Variants in NALF1 observed in about 807,000 individuals in gnomAD.
NALF1 encodes the protein family with sequence similarity 155 member A.
In NALF1, 3 loss-of-function variants were observed where a neutral mutation model predicts 48.4. That is an observed-to-expected ratio of 0.06 (90% CI 0.03 to 0.16). The LOEUF is 0.16. Ranked by LOEUF, NALF1 falls within the 10% of genes least tolerant of loss-of-function variation. The pLI is 1.00. For synonymous variants in NALF1, 262 were observed against 245.7 expected (o/e 1.07, Z -0.62); for missense variants, 526 against 571.5 (o/e 0.92, Z 0.81).
At chr13:107,244,304 G>A (rs907980973) in intron 1 of NALF1, among the ~76,000 whole-genome samples, 1 of 152,160 alleles carries the variant, frequency 6.6e-6, no homozygotes, top group African/African-American at 2.4e-5. Flanking sequence ...AATTCAAAGA[G>A]GCACACCATT....
intron 1 of NALF1, among the ~76,000 whole-genome samples, chr13:107,655,974 T>G (rs1168528384): frequency 6.6e-6 from 1 of 152,096 alleles, no homozygotes; most frequent in Non-Finnish European, 1.5e-5. Context: ...ATAATAAAAC[T>G]GGATCCTCAT....
intron 1 of NALF1, among the ~76,000 whole-genome samples, chr13:107,342,336 C>A (rs1414065559): frequency 1.3e-5 from 2 of 152,088 alleles, no homozygotes; most frequent in African/African-American, 4.8e-5. Flanking sequence ...ACAAAGGGAC[C>A]AGATAGTAAT....
intron 1 of NALF1, among the ~76,000 whole-genome samples, chr13:107,372,227 A>G (rs1883260510): frequency 6.6e-6 from 1 of 152,364 alleles, no homozygotes; most frequent in Non-Finnish European, 1.5e-5. Context: ...AACAATGTAC[A>G]TGGAATTCAA....
At chr13:107,260,798 T>C (rs1159943297) in intron 1 of NALF1, among the ~76,000 whole-genome samples, 1 of 152,198 alleles carries the variant, frequency 6.6e-6, no homozygotes, top group Non-Finnish European at 1.5e-5. Flanking sequence ...GTTTTCTCCT[T>C]TCTTCCAGGG....
intron 1 of NALF1, among the ~76,000 whole-genome samples, chr13:107,649,264 C>A (rs933979229): frequency 6.6e-6 from 1 of 152,178 alleles, no homozygotes; most frequent in African/African-American, 2.4e-5. Flanking sequence ...ACTGTTTATG[C>A]AGATATGCAG....
At chr13:107,679,987 C>T (rs910807912) in intron 1 of NALF1, among the ~76,000 whole-genome samples, 4 of 152,200 alleles carry the variant, frequency 2.6e-5, no homozygotes, top group Non-Finnish European at 5.9e-5. Flanking sequence ...TTCCCTCCCT[C>T]GACATCCCCA....
At chr13:107,199,690 G>A (rs1406071141) in intron 2 of NALF1, among the ~76,000 whole-genome samples, 2 of 152,112 alleles carry the variant, frequency 1.3e-5, no homozygotes, top group African/African-American at 2.4e-5. Flanking sequence ...GTGTGGCGGC[G>A]GTGTGAACTC....
chr13:107,751,514 A>C (rs369448153), intron 1 of NALF1, among the ~76,000 whole-genome samples: 45 of 152,360 alleles, frequency 3.0e-4, no homozygotes, highest in African/African-American at 1.1e-3. Flanking sequence ...AACTCACTGC[A>C]TACATGCACA....
At chr13:107,385,552 CAAAAAAAAAAAAAAAA>C (rs201307018) in intron 1 of NALF1, among the ~76,000 whole-genome samples, 1 of 118,290 alleles carries the variant, frequency 8.5e-6, no homozygotes, top group Non-Finnish European at 1.7e-5. Context: ...GATTCCATCT[CAAAAAAAAAAAAAAAA>C]AAAAAAAAAC....
chr13:107,448,180 C>T (rs756672415), intron 1 of NALF1, among the ~76,000 whole-genome samples: 39 of 152,282 alleles, frequency 2.6e-4, no homozygotes, highest in Middle Eastern at 6.8e-3. Flanking sequence ...CCACTTTCCA[C>T]ATCACTGGCT....
chr13:107,537,575 A>T (rs570643423), intron 1 of NALF1, among the ~76,000 whole-genome samples: 1 of 152,254 alleles, frequency 6.6e-6, no homozygotes, highest in East Asian at 1.9e-4. Flanking sequence ...TGAAACTCAA[A>T]AGCCTTCAGG....
intron 1 of NALF1, among the ~76,000 whole-genome samples, chr13:107,637,648 C>T (rs1264506467): frequency 1.3e-5 from 2 of 152,152 alleles, no homozygotes; most frequent in African/African-American, 4.8e-5. Flanking sequence ...CCTGTGCATT[C>T]GACTGAAGCC....
At chr13:107,337,694 GAA>G in intron 1 of NALF1, among the ~76,000 whole-genome samples, 1 of 152,086 alleles carries the variant, frequency 6.6e-6, no homozygotes, top group East Asian at 1.9e-4. Context: ...CTTGCACACA[GAA>G]AAGAGTTAAG....
intron 1 of NALF1, among the ~76,000 whole-genome samples, chr13:107,620,397 G>A (rs972583828): frequency 1.3e-5 from 2 of 152,182 alleles, no homozygotes; most frequent in African/African-American, 2.4e-5. Flanking sequence ...ATCTTTAATT[G>A]TGTGTGCCAT....
chr13:107,496,170 T>G (rs2139073694), intron 1 of NALF1, among the ~76,000 whole-genome samples: 1 of 152,266 alleles, frequency 6.6e-6, no homozygotes, highest in South Asian at 2.1e-4. Flanking sequence ...ATCTCTGGGT[T>G]TTAAAAGTAT....
In NALF1 at chr13:107,813,363, C is replaced by A. The variant is rs1879057439; in HGVS notation, c.915+52319G>T. On this transcript the variant is annotated intron_variant, in intron 1 of 2. Coordinates refer to ENST00000375915, the MANE Select transcript of NALF1 (RefSeq NM_001080396.3). ...ACAAGCTTAAAACGTAAAGAAACAA[C>A]ACATGGAACATATGAACCAGCCTGA... is the stretch of plus-strand genomic sequence containing the variant. 4.6e-5 allele frequency among the ~76,000 whole-genome samples: 7 copies of A among 152,022 alleles called. 1 individual carries two copies. The highest frequency in any genetic ancestry group is 4.6e-4 in the Admixed American group (7 of 15,260).
chr13:107,293,234 C>T (rs1013558951), intron 1 of NALF1, among the ~76,000 whole-genome samples: 1 of 151,954 alleles, frequency 6.6e-6, no homozygotes, highest in Non-Finnish European at 1.5e-5. Context: ...CCCACCTTGG[C>T]CTCCCGAAGT....
At chr13:107,569,975 T>A (rs185820024) in intron 1 of NALF1, among the ~76,000 whole-genome samples, 1,631 of 152,096 alleles carry the variant, frequency 0.011, 28 homozygotes, top group African/African-American at 0.033. Context: ...GTATTTTTTT[T>A]AAAAAAAATC....
chr13:107,401,101 G>C (rs552859821), intron 1 of NALF1, among the ~76,000 whole-genome samples: 3 of 152,066 alleles, frequency 2.0e-5, no homozygotes, highest in Non-Finnish European at 2.9e-5. Context: ...AAAAATTCTA[G>C]AAATAAACAA....
Sources: gnomAD v4.1 joint callset for allele counts (sites outside exome capture counted in the v4.1 genomes callset) on GRCh38, gnomAD v4.1.1 for gene constraint, MANE v1.5 for transcripts, NCBI Gene and HGNC (gene_info 2026-07-23, HGNC 2026-07-21) for gene names.